TANGO6: variants seen among roughly 807,000 people sequenced by gnomAD.
TANGO6 encodes the protein transport and golgi organization 6 homolog, also known as transport and Golgi organization protein 6 homolog.
TANGO6 carries 90 observed loss-of-function variants against 114.2 expected under a neutral mutation model. That is an observed-to-expected ratio of 0.79 (90% CI 0.66 to 0.94). The LOEUF (loss-of-function observed/expected upper bound fraction) is 0.94. Ranked by LOEUF, TANGO6 falls within the 40% of genes least tolerant of loss-of-function variation. The pLI is 0.00. For missense variants in TANGO6, 1,274 were observed against 1,315.3 expected (o/e 0.97, Z 0.49); for synonymous variants, 477 against 509.8 (o/e 0.94, Z 0.87).
rs754689921 is a variant in TANGO6 at position 69,058,909 on chromosome 16, C to CT, written c.3108+18503dup. On this transcript the variant is annotated intron_variant, in intron 17 of 17. Transcript: ENST00000261778. Reference sequence around the variant, plus strand: ...TCTTTAACCACTGGACTTTTCTACTCTTTTTTTTTTTTTTTGAGACATAGT... The same window carrying CT: ...TCTTTAACCACTGGACTTTTCTACTCTTTTTTTTTTTTTTTTGAGACATAGT... Among the ~76,000 whole-genome samples, 1,120 of 136,544 alleles carry CT rather than the reference C, an allele frequency of 8.2e-3. 16 individuals carry two copies. Among genetic ancestry groups the CT allele is most frequent in the African/African-American group, 0.023 (841 of 37,268 alleles). 89.6% of individuals were successfully genotyped at this position (136,544 alleles called of 152,430 possible).
At chr16:68,931,271 A>G (rs1963235684) in intron 14 of TANGO6, among the ~76,000 whole-genome samples, 2 of 152,284 alleles carry the variant, frequency 1.3e-5, no homozygotes, top group East Asian at 3.9e-4. Context: ...GTGGGCTTCA[A>G]TTTTTTGTTA....
At chr16:68,947,452 CA>C (rs573276282) in intron 14 of TANGO6, among the ~76,000 whole-genome samples, 7 of 140,504 alleles carry the variant, frequency 5.0e-5, no homozygotes, top group South Asian at 2.2e-4. Flanking sequence ...GACTCCGTCT[CA>C]AAAAAAAAAT....
intron 15 of TANGO6, among the ~76,000 whole-genome samples, chr16:69,015,742 A>T (rs1157277298): frequency 6.6e-6 from 1 of 151,992 alleles, no homozygotes; most frequent in African/African-American, 2.4e-5. Context: ...TGCTTCCCAA[A>T]GTGCTGGGAT....
At chr16:68,866,389 C>T (rs370770422) in intron 3 of TANGO6, among the ~76,000 whole-genome samples, 5 of 142,340 alleles carry the variant, frequency 3.5e-5, no homozygotes, top group Admixed American at 7.0e-5. Context: ...TTTGGGAGGC[C>T]GAGGCGGGTG....
rs192000416 is a variant in TANGO6, at chr16:68,988,913, C to T, written c.2842+14745C>T. Among the ~76,000 whole-genome samples, 14 of 152,148 alleles carry T rather than the reference C, an allele frequency of 9.2e-5. No homozygotes were observed. In the East Asian group the frequency reaches 1.7e-3, roughly 19 times the overall value. ...ACCGGATGTCACTCTGTCTTCCAGG[C>T]TAGAGTGCAAAGCCATGATCACAGC... is the stretch of plus-strand genomic sequence containing the variant. On this transcript the variant is annotated intron_variant, in intron 15 of 17. Coordinates refer to ENST00000261778, the MANE Select transcript of TANGO6 (RefSeq NM_024562.2).
chr16:68,945,123 A>G (rs987686740), intron 14 of TANGO6, among the ~76,000 whole-genome samples: 2 of 152,204 alleles, frequency 1.3e-5, no homozygotes, highest in African/African-American at 4.8e-5. Flanking sequence ...CCTGGGTGAC[A>G]GGGCGAGACT....
intron 17 of TANGO6, among the ~76,000 whole-genome samples, chr16:69,076,976 G>A (rs891217365): frequency 1.2e-4 from 18 of 151,964 alleles, no homozygotes; most frequent in African/African-American, 3.6e-4. Context: ...CAGCCTGGGC[G>A]ACAGAGCACG....
chr16:69,031,639 C>T (rs1030110875), intron 16 of TANGO6, among the ~76,000 whole-genome samples: 9 of 151,100 alleles, frequency 6.0e-5, no homozygotes, highest in South Asian at 4.2e-4. Context: ...CTCAGATGGA[C>T]GGGAAAAGCT....
chr16:68,976,941 C>A (rs1963770441), intron 15 of TANGO6, among the ~76,000 whole-genome samples: 1 of 152,124 alleles, frequency 6.6e-6, no homozygotes, highest in African/African-American at 2.4e-5. Context: ...ACTCACTAGC[C>A]TATTATCTAA....
chr16:68,904,780 T>C (rs571441745), intron 9 of TANGO6, among the ~76,000 whole-genome samples: 2 of 152,352 alleles, frequency 1.3e-5, no homozygotes, highest in African/African-American at 4.8e-5. Flanking sequence ...TTTGTATTTG[T>C]TTATATGATA....
At chr16:68,943,025 C>T (rs948875145) in intron 14 of TANGO6, among the ~76,000 whole-genome samples, 9 of 150,804 alleles carry the variant, frequency 6.0e-5, no homozygotes, top group Non-Finnish European at 1.2e-4. Flanking sequence ...CTTAGACTCC[C>T]GAGTAGCTGG....
At chr16:68,851,473 A>C (rs996186160) in intron 1 of TANGO6, among the ~76,000 whole-genome samples, 1 of 152,120 alleles carries the variant, frequency 6.6e-6, no homozygotes, top group African/African-American at 2.4e-5. Context: ...CTTACTTTTT[A>C]AATTTAGTGT....
chr16:68,943,501 C>T (rs999461820), intron 14 of TANGO6, among the ~76,000 whole-genome samples: 9 of 151,824 alleles, frequency 5.9e-5, no homozygotes, highest in South Asian at 2.1e-4. Flanking sequence ...GTAGCTGGGA[C>T]TACAGGTGCC....
At chr16:68,937,528 C>T (rs1246948098) in intron 14 of TANGO6, 3 of 152,210 alleles carry the variant, frequency 2.0e-5, no homozygotes, top group African/African-American at 7.2e-5. Context: ...TCATACCCAT[C>T]AAAAGTCACT....
chr16:69,084,394 T>G lies in TANGO6; in HGVS notation c.*733T>G, dbSNP rs1960509752. 1 of 152,298 alleles carries G rather than the reference T, an allele frequency of 6.6e-6. No homozygotes were observed. Among genetic ancestry groups the G allele is most frequent in the Non-Finnish European group, 1.5e-5 (1 of 68,054 alleles). The allele number at this position is 152,298 out of a possible 1,614,324, so 9.4% of individuals were successfully genotyped here. A position where few individuals can be genotyped will look rare whatever the true frequency, so the allele number is the denominator to read the frequency against. Reference sequence around the variant, plus strand: ...TGCTGCTGTTTGCAGAGAGTTGCCCTGATTATCAGGAGAAAAGAACCACGA... The same window carrying G: ...TGCTGCTGTTTGCAGAGAGTTGCCCGGATTATCAGGAGAAAAGAACCACGA... On this transcript the variant is annotated 3_prime_UTR_variant, in exon 18 of 18. Transcript: ENST00000261778.
At chr16:69,076,814 G>A (rs1190696177) in intron 17 of TANGO6, among the ~76,000 whole-genome samples, 5 of 152,144 alleles carry the variant, frequency 3.3e-5, no homozygotes, top group African/African-American at 1.2e-4. Flanking sequence ...AAAGAGGAGT[G>A]AACACAATCT....
intron 1 of TANGO6, 92 bp downstream of exon 1, chr16:68,843,803 C>T: frequency 7.9e-7 from 1 of 1,273,278 alleles, no homozygotes. Flanking sequence ...GCGTGCGCCC[C>T]TTAGGCCCGC....
chr16:69,077,578 C>T (rs1185695693), intron 17 of TANGO6, among the ~76,000 whole-genome samples: 1 of 152,116 alleles, frequency 6.6e-6, no homozygotes. Flanking sequence ...TAATCCCACC[C>T]AGCACTTTGG....
Position 69,083,780 on chromosome 16 carries a change from G to C in TANGO6, c.*119G>C. On this transcript the variant is annotated 3_prime_UTR_variant, in exon 18 of 18. Coordinates refer to ENST00000261778, the MANE Select transcript of TANGO6 (RefSeq NM_024562.2). ...GCTGGCAGCATGGCTGACCCTCGGG[G>C]TGGTTTTATGGTGCAGGTCACTTGG... 1 of 1,201,526 alleles carries C rather than the reference G, an allele frequency of 8.3e-7. No homozygotes were observed. Among genetic ancestry groups the C allele is most frequent in the Non-Finnish European group, 1.1e-6 (1 of 876,754 alleles). 74.4% of individuals were successfully genotyped at this position (1,201,526 alleles called of 1,614,324 possible).
Sources: gnomAD v4.1 joint callset for allele counts (sites outside exome capture counted in the v4.1 genomes callset) on GRCh38, gnomAD v4.1.1 for gene constraint, MANE v1.5 for transcripts, NCBI Gene and HGNC (gene_info 2026-07-23, HGNC 2026-07-21) for gene names.